The following KLHDC4 variants were observed in gnomAD, a reference collection of about 807,000 sequenced individuals.
KLHDC4 encodes kelch domain containing 4, also known as kelch domain-containing protein 4.
In KLHDC4, 90 loss-of-function variants were observed where a neutral mutation model predicts 62.4. The ratio of observed to expected loss-of-function variants is 1.44; its 90% confidence interval spans 1.22 to 1.72. The LOEUF (loss-of-function observed/expected upper bound fraction) is 1.72, where lower values mean the gene tolerates loss of function less well. Ranked by LOEUF, KLHDC4 falls within the 40% of genes most tolerant of loss-of-function variation. The pLI is 0.00. For missense variants in KLHDC4, 1,025 were observed against 699.7 expected (o/e 1.47, Z -5.25); for synonymous variants, 386 against 284.4 (o/e 1.36, Z -3.59).
chr16:87,741,468 C>G (rs1247230397), intron 5 of KLHDC4, among the ~76,000 whole-genome samples: 1 of 152,184 alleles, frequency 6.6e-6, no homozygotes, highest in Non-Finnish European at 1.5e-5. Context: ...CACCATAGAT[C>G]CAGGTTGCGG....
At chr16:87,725,028 T>A (rs1034085789) in intron 7 of KLHDC4, among the ~76,000 whole-genome samples, 1 of 152,080 alleles carries the variant, frequency 6.6e-6, no homozygotes, top group Non-Finnish European at 1.5e-5. Flanking sequence ...GAAGCAGCAA[T>A]GAACAGAAAC....
chr16:87,752,046 C>T (rs774305844), intron 4 of KLHDC4, among the ~76,000 whole-genome samples: 11 of 134,480 alleles, frequency 8.2e-5, no homozygotes, highest in African/African-American at 5.6e-5. Flanking sequence ...GCCGAGATCG[C>T]GCCACTGCAC....
chr16:87,765,869 C>G lies in KLHDC4; in HGVS notation c.22G>C (p.Glu8Gln), dbSNP rs1232399836. 12 of 1,550,704 alleles carry G rather than the reference C, an allele frequency of 7.7e-6. No individual in the cohort carries two copies. In the Admixed American group the frequency reaches 2.4e-4, roughly 30 times the overall value. Residue 8 changes from glutamate to glutamine, a missense_variant, in exon 1 of 12, where the codon GAG becomes CAG. Transcript: ENST00000270583. The stretch of plus-strand genomic sequence containing the variant: ...TTCTCCGCGCCGCGGCCCTTCTTCT[C>G]CTTCTTGCCCTTCTTGCCCATCTTG... MGKKGKK[E>Q]KKGRGAEKTA...
chr16:87,731,290 C>G (rs957455343), intron 5 of KLHDC4, among the ~76,000 whole-genome samples: 3 of 151,700 alleles, frequency 2.0e-5, no homozygotes, highest in Non-Finnish European at 4.4e-5. Flanking sequence ...GTCTCGAACT[C>G]CTGACCTCAA....
At chr16:87,705,223 G>C (rs116501482), downstream of KLHDC4, among the ~76,000 whole-genome samples, 12 of 152,260 alleles carry the variant, frequency 7.9e-5, no homozygotes, top group African/African-American at 2.7e-4. Context: ...CTGGGCTTTC[G>C]TGCCGGCCGC....
At chr16:87,725,520 G>A (rs775271814) in intron 7 of KLHDC4, among the ~76,000 whole-genome samples, 7 of 152,158 alleles carry the variant, frequency 4.6e-5, no homozygotes, top group South Asian at 2.1e-4. Context: ...GGTGTTCCCC[G>A]TAAAATTCTT....
intron 2 of KLHDC4, 79 bp from the exon 3 acceptor site, chr16:87,756,556 C>T: frequency 1.9e-6 from 2 of 1,027,296 alleles, no homozygotes; most frequent in Non-Finnish European, 3.0e-6. Flanking sequence ...TCACAGAATC[C>T]TCTGTCACCA....
intron 5 of KLHDC4, among the ~76,000 whole-genome samples, chr16:87,742,008 G>C (rs2042311627): frequency 6.6e-6 from 1 of 152,164 alleles, no homozygotes; most frequent in Non-Finnish European, 1.5e-5. Context: ...CTCTGCACGA[G>C]GCCTGACACA....
intron 7 of KLHDC4, among the ~76,000 whole-genome samples, chr16:87,719,937 C>A (rs1015304621): frequency 9.2e-5 from 14 of 152,190 alleles, no homozygotes; most frequent in African/African-American, 3.4e-4. Context: ...TCCCAACGGG[C>A]CCCCACCTCC....
intron 4 of KLHDC4, among the ~76,000 whole-genome samples, chr16:87,753,958 A>G (rs1397167070): frequency 2.0e-5 from 3 of 146,828 alleles, no homozygotes; most frequent in African/African-American, 7.6e-5. Flanking sequence ...GGGTGACAGC[A>G]AGACACCATC....
intron 6 of KLHDC4, 83 bp from the exon 7 acceptor site, chr16:87,727,007 G>A: frequency 6.9e-7 from 1 of 1,456,858 alleles, no homozygotes; most frequent in East Asian, 2.3e-5. Context: ...TTAAATTAAA[G>A]GTAAATTTCC....
intron 1 of KLHDC4, chr16:87,765,181 G>A (rs1403886017): frequency 4.4e-6 from 2 of 456,064 alleles, no homozygotes; most frequent in East Asian, 6.9e-5. Context: ...CCCAAGGTCA[G>A]GACGGATCCT....
chr16:87,720,344 G>A (rs1402393048), intron 7 of KLHDC4, among the ~76,000 whole-genome samples: 1 of 152,162 alleles, frequency 6.6e-6, no homozygotes, highest in Non-Finnish European at 1.5e-5. Flanking sequence ...GCGGACGTGT[G>A]TGAACACAGA....
chr16:87,725,217 A>T (rs2039136064), intron 7 of KLHDC4, among the ~76,000 whole-genome samples: 1 of 152,154 alleles, frequency 6.6e-6, no homozygotes, highest in Non-Finnish European at 1.5e-5. Flanking sequence ...GCACGGCAGG[A>T]TCAGGGTGTG....
chr16:87,731,931 C>A (rs2040446090), intron 5 of KLHDC4, among the ~76,000 whole-genome samples: 1 of 152,146 alleles, frequency 6.6e-6, no homozygotes, highest in Non-Finnish European at 1.5e-5. Context: ...TGAAGGAAGG[C>A]AGGTTCTGCT....
intron 5 of KLHDC4, chr16:87,740,961 A>G (rs2042144900): frequency 6.6e-6 from 1 of 152,220 alleles, no homozygotes; most frequent in South Asian, 2.1e-4. Context: ...ATCTCAAAAT[A>G]GCTGCTAGCG....
At chr16:87,718,979 C>G (rs943894348) in intron 7 of KLHDC4, among the ~76,000 whole-genome samples, 3 of 151,632 alleles carry the variant, frequency 2.0e-5, no homozygotes, top group African/African-American at 7.3e-5. Flanking sequence ...TGAGGAGCCC[C>G]TCCGCCCGGC....
chr16:87,762,403 A>G (rs2046020413), intron 1 of KLHDC4, among the ~76,000 whole-genome samples: 1 of 152,176 alleles, frequency 6.6e-6, no homozygotes, highest in Non-Finnish European at 1.5e-5. Context: ...CTGTCTGCAG[A>G]GCAGTGTCTG....
exon 1 of KLHDC4, chr16:87,702,547 C>G: frequency 2.8e-6 from 1 of 353,976 alleles, no homozygotes; most frequent in Non-Finnish European, 5.6e-6. Context: ...GGCGCCCCCT[C>G]CTGGACGCTG....
Sources: allele counts gnomAD v4.1 joint callset (sites outside exome capture counted in the v4.1 genomes callset), GRCh38; gene constraint gnomAD v4.1.1; transcripts MANE v1.5; gene names NCBI Gene and HGNC (gene_info 2026-07-23, HGNC 2026-07-21).